Variants in SAMD4B observed in about 807,000 individuals in gnomAD.
The protein encoded by SAMD4B is protein Smaug homolog 2.
In SAMD4B, 5 loss-of-function variants were observed where a neutral mutation model predicts 74.5. The ratio of observed to expected loss-of-function variants is 0.07; its 90% CI spans 0.04 to 0.14. SAMD4B has a LOEUF of 0.14. Ranked by LOEUF, SAMD4B falls within the 10% of genes least tolerant of loss-of-function variation. SAMD4B has a pLI of 1.00. For synonymous variants in SAMD4B, 373 were observed against 374.9 expected (o/e 1.00, Z 0.06); for missense variants, 608 against 921.8 (o/e 0.66, Z 4.41).
At chr19:39,366,347 T>C (rs1243150059) in intron 3 of SAMD4B, among the ~76,000 whole-genome samples, 1 of 151,840 alleles carries the variant, frequency 6.6e-6, no homozygotes, top group Admixed American at 6.6e-5. Context: ...GGTGCACGCC[T>C]GTAATCCCAG....
intron 3 of SAMD4B, among the ~76,000 whole-genome samples, chr19:39,359,164 T>C (rs1248417792): frequency 6.6e-6 from 1 of 152,228 alleles, no homozygotes; most frequent in Non-Finnish European, 1.5e-5. Context: ...ACTCTGCCTT[T>C]ATAGTGGGGG....
At chr19:39,386,612 T>C (rs781473240), downstream of SAMD4B, 1 of 1,610,424 alleles carries the variant, frequency 6.2e-7, no homozygotes, top group South Asian at 1.1e-5. This position sits in a 1 kb window ranked among gnomAD's most constrained non-coding sequence, Gnocchi z 6.1. Context: ...AGGAGGGTGT[T>C]CTGCTGGGTT....
rs1030291429 is a variant in SAMD4B at position 39,375,053 on chromosome 19, A to G, written c.668-597A>G. On this transcript the variant is annotated intron_variant, in intron 4 of 13. Transcript: ENST00000610417. This position sits in a 1 kb window ranked among gnomAD's most constrained non-coding sequence, Gnocchi z 4.1. ...AGGGAGCCAACCGCTGAGATCAAGA[A>G]GGTAGGAAGAAAGAGCAAGTCCAGA... 2.0e-5 allele frequency among the ~76,000 whole-genome samples: 3 copies of G among 152,118 alleles called. No individual in the cohort carries two copies. The highest frequency in any genetic ancestry group is 7.2e-5 in the African/African-American group (3 of 41,422).
rs781159246 is a variant in SAMD4B, at chr19:39,375,842, A to G, written c.860A>G (p.Gln287Arg). 1.2e-6 allele frequency: 2 copies of G among 1,612,790 alleles called. No individual in the cohort carries two copies. The highest frequency in any genetic ancestry group is 1.7e-5 in the Admixed American group (1 of 60,014). The change falls in exon 5 of 14, where the codon CAG becomes CGG. Residue 287 changes from glutamine (Q) to arginine (R), a missense_variant. Gln to Arg is a conservative substitution (Grantham distance 43). Transcript: ENST00000610417. This position sits in a 1 kb window ranked among gnomAD's most constrained non-coding sequence, Gnocchi z 4.1. ...TCTGGCAGTGAGCAGACAGAGGAGCAGGGCTCCAGCCGGAACACCTTCCAG... is the reference window on the plus strand; with the variant it reads ...TCTGGCAGTGAGCAGACAGAGGAGCGGGGCTCCAGCCGGAACACCTTCCAG... The part of the protein sequence containing the change: ...ASSGSEQTEE[Q>R]GSSRNTFQED...
intron 1 of SAMD4B, among the ~76,000 whole-genome samples, chr19:39,345,236 A>G (rs766191986): frequency 1.4e-4 from 21 of 152,042 alleles, no homozygotes; most frequent in Non-Finnish European, 2.6e-4. Context: ...CCTACTGCCC[A>G]CTGCTGCTTT....
Position 39,385,321 on chromosome 19 carries a change from A to G in SAMD4B, c.*1794A>G. The G allele has an allele frequency of 2.6e-6, 1 of 388,652 alleles. No homozygotes were observed. Among genetic ancestry groups the G allele is most frequent in the Non-Finnish European group, 4.5e-6 (1 of 220,388 alleles). 24.1% of individuals were successfully genotyped at this position (388,652 alleles called of 1,614,324 possible). A position where few individuals can be genotyped will look rare whatever the true frequency, so the allele number is the denominator to read the frequency against. On this transcript the variant is annotated 3_prime_UTR_variant, in exon 14 of 14. Transcript: ENST00000610417. ...TCTCATGGGACCCTCCCCTCTCCCCAGCCTGTCCTGTCTTGTTCACTCTCC... is the reference window on the plus strand; with the variant it reads ...TCTCATGGGACCCTCCCCTCTCCCCGGCCTGTCCTGTCTTGTTCACTCTCC...
chr19:39,367,941 G>T (rs901334224), intron 3 of SAMD4B, among the ~76,000 whole-genome samples: 2 of 151,636 alleles, frequency 1.3e-5, no homozygotes, highest in Admixed American at 1.3e-4. Context: ...GAGGCCGGGC[G>T]CAGTGGCTCA....
At chr19:39,353,274 A>T (rs1189585901) in intron 1 of SAMD4B, among the ~76,000 whole-genome samples, 1 of 152,202 alleles carries the variant, frequency 6.6e-6, no homozygotes, top group African/African-American at 2.4e-5. Flanking sequence ...ATGCTGCCTT[A>T]AAATTGTTTT....
In SAMD4B at chr19:39,377,511, A is replaced by T. The variant is rs1009433104; in HGVS notation, c.1131A>T (p.Arg377=). The change falls in exon 8 of 14, where the codon CGA becomes CGT. Residue 377 remains arginine, a synonymous_variant. Transcript: ENST00000610417. Reference sequence around the variant, plus strand: ...ATGTGCTGGAAGGCGGGAACCTACGAAACGCTCTGCAGGAGCTGCAGCAGA... The same window carrying T: ...ATGTGCTGGAAGGCGGGAACCTACGTAACGCTCTGCAGGAGCTGCAGCAGA... The part of the protein sequence containing the change: ...EKDVLEGGNL[R]NALQELQQII... 2.5e-6 allele frequency: 4 copies of T among 1,582,570 alleles called. No individual in the cohort carries two copies. Among genetic ancestry groups the T allele is most frequent in the African/African-American group, 1.3e-5 (1 of 74,296 alleles).
chr19:39,346,535 G>A (rs375906941), intron 1 of SAMD4B, among the ~76,000 whole-genome samples: 6 of 152,306 alleles, frequency 3.9e-5, no homozygotes, highest in East Asian at 3.9e-4. Context: ...GCCAGGCACT[G>A]TTTAAGTGCT....
At chr19:39,370,975 A>G (rs2077260820) in intron 4 of SAMD4B, among the ~76,000 whole-genome samples, 2 of 152,230 alleles carry the variant, frequency 1.3e-5, no homozygotes, top group Non-Finnish European at 1.5e-5. Flanking sequence ...TGACCACTAC[A>G]CTGTCCTGCC....
intron 1 of SAMD4B, chr19:39,350,775 C>G (rs2075993573): frequency 6.6e-6 from 1 of 152,156 alleles, no homozygotes; most frequent in African/African-American, 2.4e-5. Flanking sequence ...AGGCGTGAGC[C>G]ACCGTGCCCA....
At chr19:39,343,680 G>A (rs535360962) in intron 1 of SAMD4B, among the ~76,000 whole-genome samples, 1 of 151,154 alleles carries the variant, frequency 6.6e-6, no homozygotes, top group South Asian at 2.1e-4. Flanking sequence ...AAAATCTCCA[G>A]CAATTGCCTG....
At chr19:39,363,675 A>T (rs147830948) in intron 3 of SAMD4B, among the ~76,000 whole-genome samples, 1 of 152,318 alleles carries the variant, frequency 6.6e-6, no homozygotes, top group African/African-American at 2.4e-5. Flanking sequence ...AGGATCAGAG[A>T]GGTTAAAGGA....
In SAMD4B at chr19:39,377,730, A is replaced by ACCAGCT. The variant is rs1425389104; in HGVS notation, c.1359_1364dup (p.Ala454_Pro455dup). ...CAGCTGTGGAGAACTACCCACCTCC[A>ACCAGCT]CCAGCTCCAGCTCCCACTGATGGCA... On this transcript the variant is annotated inframe_insertion, in exon 8 of 14. Transcript: ENST00000610417. The ACCAGCT allele has an allele frequency of 4.3e-6, 7 of 1,614,106 alleles. No homozygotes were observed. The highest frequency in any genetic ancestry group is 5.1e-6 in the Non-Finnish European group (6 of 1,179,992).
rs930188435 is a variant in SAMD4B at position 39,383,425 on chromosome 19, G to A, written c.2057-74G>A. The stretch of plus-strand genomic sequence containing the variant: ...CAGGGAGGGCCTGACTGGGATGACA[G>A]GCTACCTGAGTGCCTTTTCTTGGGC... On this transcript the variant is annotated intron_variant, in intron 13 of 13. Transcript: ENST00000610417. This position sits in a 1 kb window ranked among gnomAD's most constrained non-coding sequence, Gnocchi z 4.1. 3 of 1,581,606 alleles carry A rather than the reference G, an allele frequency of 1.9e-6. No individual in the cohort carries two copies. The highest frequency in any genetic ancestry group is 2.6e-6 in the Non-Finnish European group (3 of 1,150,442).
chr19:39,365,381 C>T (rs1355519232), intron 3 of SAMD4B, among the ~76,000 whole-genome samples: 2 of 151,504 alleles, frequency 1.3e-5, no homozygotes, highest in East Asian at 3.9e-4. Context: ...TGGCAAAAGC[C>T]CGTCTCTACT....
chr19:39,383,559 C>A lies in SAMD4B; in HGVS notation c.*32C>A. 1 of 1,614,248 alleles carries A rather than the reference C, an allele frequency of 6.2e-7. No homozygotes were observed. The highest frequency in any genetic ancestry group is 2.2e-5 in the East Asian group (1 of 44,884). Reference sequence around the variant, plus strand: ...CCACAGCCCAGCGCACCCATAGGCTCCCTGGGCGGCGGGCGGGGGCCAACC... The same window carrying A: ...CCACAGCCCAGCGCACCCATAGGCTACCTGGGCGGCGGGCGGGGGCCAACC... On this transcript the variant is annotated 3_prime_UTR_variant, in exon 14 of 14. Coordinates refer to ENST00000610417, the MANE Select transcript of SAMD4B (RefSeq NM_001384574.2). This position sits in a 1 kb window ranked among gnomAD's most constrained non-coding sequence, Gnocchi z 4.1.
Position 39,378,430 on chromosome 19 carries a change from A to T in SAMD4B, c.1445-74A>T. On this transcript the variant is annotated intron_variant, in intron 8 of 13. Coordinates refer to ENST00000610417, the MANE Select transcript of SAMD4B (RefSeq NM_001384574.2). This position sits in a 1 kb window ranked among gnomAD's most constrained non-coding sequence, Gnocchi z 4.4. ...AGTCTCCTGTTCCTTCTTGTGCACG[A>T]GCCAGCTGGAGGCTGGAACATGGCA... 1 of 1,335,474 alleles carries T rather than the reference A, an allele frequency of 7.5e-7. No homozygotes were observed. The highest frequency in any genetic ancestry group is 1.1e-6 in the Non-Finnish European group (1 of 930,982). 82.7% of individuals were successfully genotyped at this position (1,335,474 alleles called of 1,614,324 possible).
Sources: allele counts gnomAD v4.1 joint callset (sites outside exome capture counted in the v4.1 genomes callset), GRCh38; gene constraint gnomAD v4.1.1; non-coding constraint Gnocchi (gnomAD v3.1); transcripts MANE v1.5; gene names NCBI Gene and HGNC (gene_info 2026-07-23, HGNC 2026-07-21).